Variants in LSAMP observed in about 807,000 individuals in gnomAD.
The protein encoded by LSAMP is limbic system associated membrane protein.
In LSAMP, 7 loss-of-function variants were observed where a neutral mutation model predicts 38.6. That is an observed-to-expected ratio of 0.18 (90% CI 0.10 to 0.34). The LOEUF (loss-of-function observed/expected upper bound fraction) is 0.34. LSAMP is among the 10% of genes least tolerant of loss of function. The probability of loss-of-function intolerance (pLI) is 1.00; values close to 1 mark genes in which losing one functional copy is unlikely to be tolerated. For missense variants in LSAMP, 313 were observed against 420.0 expected (o/e 0.75, Z 2.23); for synonymous variants, 154 against 166.8 (o/e 0.92, Z 0.59).
At chr3:116,153,692 A>G (rs1272700653) in intron 1 of LSAMP, among the ~76,000 whole-genome samples, 1 of 151,984 alleles carries the variant, frequency 6.6e-6, no homozygotes, top group Admixed American at 6.6e-5. Context: ...TTTTAATTCA[A>G]TCTTGTAAAA....
intron 2 of LSAMP, among the ~76,000 whole-genome samples, chr3:116,049,957 ATTC>A: frequency 6.6e-6 from 1 of 152,308 alleles, no homozygotes; most frequent in South Asian, 2.1e-4. Context: ...CCTGGGAATT[ATTC>A]TTTTGCTGGA....
intron 2 of LSAMP, among the ~76,000 whole-genome samples, chr3:116,050,032 C>T (rs2107731554): frequency 6.6e-6 from 1 of 152,296 alleles, no homozygotes; most frequent in East Asian, 1.9e-4. Context: ...CCCTGGGAGG[C>T]TGATCACCTG....
At chr3:115,926,062 C>T (rs1451019617) in intron 3 of LSAMP, among the ~76,000 whole-genome samples, 4 of 151,556 alleles carry the variant, frequency 2.6e-5, no homozygotes, top group Non-Finnish European at 5.9e-5. Context: ...GAAAAAAAAA[C>T]ATGTAAGGGA....
At chr3:116,419,714 C>G (rs1282143800) in intron 1 of LSAMP, among the ~76,000 whole-genome samples, 1 of 152,032 alleles carries the variant, frequency 6.6e-6, no homozygotes, top group African/African-American at 2.4e-5. Context: ...GATAAGAAAC[C>G]TCAAAGCAAA....
chr3:116,208,945 G>T (rs2046111190), intron 1 of LSAMP, among the ~76,000 whole-genome samples: 1 of 152,200 alleles, frequency 6.6e-6, no homozygotes. Context: ...GAGCTTCCCG[G>T]CTGCTTTGTT....
In LSAMP at chr3:116,134,708, C is replaced by A. The variant is rs556583976; in HGVS notation, c.156-48152G>T. Among the ~76,000 whole-genome samples the A allele has an allele frequency of 9.2e-5, 14 of 152,320 alleles. 1 individual carries two copies. In the South Asian group the frequency reaches 2.9e-3, roughly 32 times the overall value. On this transcript the variant is annotated intron_variant, in intron 1 of 6. Transcript: ENST00000490035. ...GCTGACCACATAGCCTCTTTCCATCCTCCAGTCACTCTCTTTCACATTACC... is the reference window on the plus strand; with the variant it reads ...GCTGACCACATAGCCTCTTTCCATCATCCAGTCACTCTCTTTCACATTACC...
chr3:115,942,836 T>C (rs535054419), intron 3 of LSAMP, among the ~76,000 whole-genome samples: 4 of 152,300 alleles, frequency 2.6e-5, no homozygotes, highest in East Asian at 3.9e-4. Flanking sequence ...TGTAGGTTTA[T>C]GTCGACGGTG....
intron 1 of LSAMP, among the ~76,000 whole-genome samples, chr3:116,388,360 C>T (rs938973884): frequency 6.6e-6 from 1 of 152,104 alleles, no homozygotes; most frequent in Non-Finnish European, 1.5e-5. Context: ...TTTTGATTCT[C>T]AATTGTTCTT....
intron 3 of LSAMP, among the ~76,000 whole-genome samples, chr3:116,011,019 T>G (rs917855616): frequency 6.6e-6 from 1 of 152,136 alleles, no homozygotes; most frequent in Non-Finnish European, 1.5e-5. Context: ...TATGCTTTTT[T>G]TTGAGACAGA....
At chr3:116,189,912 C>T (rs12486465) in intron 1 of LSAMP, among the ~76,000 whole-genome samples, 33,595 of 151,910 alleles carry the variant, frequency 0.22, 3,830 homozygotes, top group African/African-American at 0.27. Flanking sequence ...TTAACAAGCA[C>T]GAGAGATTCA....
intron 1 of LSAMP, among the ~76,000 whole-genome samples, chr3:116,201,885 G>A (rs1383801950): frequency 6.6e-6 from 1 of 152,136 alleles, no homozygotes; most frequent in African/African-American, 2.4e-5. Flanking sequence ...AGCTTTTCAT[G>A]TTTAACTGGC....
At chr3:116,338,438 G>T (rs750713284) in intron 1 of LSAMP, among the ~76,000 whole-genome samples, 11 of 151,840 alleles carry the variant, frequency 7.2e-5, no homozygotes, top group Non-Finnish European at 1.6e-4. Flanking sequence ...CCCATTCCAC[G>T]TATGGATAGT....
intron 1 of LSAMP, among the ~76,000 whole-genome samples, chr3:116,382,809 C>A (rs537660204): frequency 6.6e-6 from 1 of 152,094 alleles, no homozygotes; most frequent in East Asian, 1.9e-4. Context: ...GTAAAAGTTG[C>A]CTCCTTTCCT....
intron 1 of LSAMP, among the ~76,000 whole-genome samples, chr3:116,418,172 GT>G (rs1296643293): frequency 6.6e-6 from 1 of 152,108 alleles, no homozygotes; most frequent in Non-Finnish European, 1.5e-5. Context: ...TGCCATTTAT[GT>G]TTATTTTAAA....
At chr3:116,268,352 A>G (rs956958538) in intron 1 of LSAMP, among the ~76,000 whole-genome samples, 11 of 152,162 alleles carry the variant, frequency 7.2e-5, no homozygotes, top group African/African-American at 1.9e-4. Context: ...TTTATTTGCT[A>G]TAATGGAAAT....
At chr3:115,989,755 T>A (rs891895350) in intron 3 of LSAMP, among the ~76,000 whole-genome samples, 1 of 152,102 alleles carries the variant, frequency 6.6e-6, no homozygotes. Context: ...AATTCTTAGA[T>A]GTAGACTAGA....
At chr3:116,065,967 T>C (rs1313679497) in intron 2 of LSAMP, among the ~76,000 whole-genome samples, 1 of 152,250 alleles carries the variant, frequency 6.6e-6, no homozygotes, top group Non-Finnish European at 1.5e-5. Context: ...ATAAGGTTTA[T>C]AGATAATGAA....
intron 3 of LSAMP, among the ~76,000 whole-genome samples, chr3:115,917,768 T>C (rs1184592452): frequency 6.6e-6 from 1 of 152,166 alleles, no homozygotes; most frequent in Non-Finnish European, 1.5e-5. Context: ...TGGGATTTTC[T>C]TCACTTTTTC....
intron 3 of LSAMP, among the ~76,000 whole-genome samples, chr3:115,868,966 T>G (rs750291252): frequency 1.4e-5 from 2 of 144,410 alleles, no homozygotes; most frequent in Non-Finnish European, 3.0e-5. Context: ...CTTTTATAAA[T>G]CAGGAAAAAA....
Sources: allele counts gnomAD v4.1 joint callset (sites outside exome capture counted in the v4.1 genomes callset), GRCh38; gene constraint gnomAD v4.1.1; transcripts MANE v1.5; gene names NCBI Gene and HGNC (gene_info 2026-07-23, HGNC 2026-07-21).